The following LRRC4C variants were observed in gnomAD, a reference collection of about 807,000 sequenced individuals.
LRRC4C encodes the protein leucine-rich repeat-containing protein 4C.
Under a neutral mutation model 33.6 loss-of-function variants are expected in LRRC4C, and 5 were observed. The observed-to-expected ratio is 0.15, with a 90% confidence interval of 0.08 to 0.31. LRRC4C has a LOEUF of 0.31. Among genes scored for constraint, LRRC4C ranks in the 10% least tolerant of loss-of-function variants. The pLI is 1.00. For synonymous variants in LRRC4C, 329 were observed against 302.0 expected, an observed-to-expected ratio of 1.09 and a Z score of -0.93; for missense variants, 560 against 796.7, an observed-to-expected ratio of 0.70 and a Z score of 3.58.
At chr11:41,373,717 A>T (rs1386447361) in intron 1 of LRRC4C, among the ~76,000 whole-genome samples, 1 of 152,164 alleles carries the variant, frequency 6.6e-6, no homozygotes, top group Non-Finnish European at 1.5e-5. Flanking sequence ...AAGCTTTTTT[A>T]TAATTTGGGT....
intron 2 of LRRC4C, among the ~76,000 whole-genome samples, chr11:40,785,942 C>T (rs892173980): frequency 1.3e-5 from 2 of 152,112 alleles, no homozygotes; most frequent in East Asian, 1.9e-4. Context: ...GGAAATCCCA[C>T]TGAAAATCAG....
chr11:40,424,418 C>A (rs911189009), intron 3 of LRRC4C, among the ~76,000 whole-genome samples: 1 of 151,972 alleles, frequency 6.6e-6, no homozygotes, highest in African/African-American at 2.4e-5. Context: ...AAAGATAACC[C>A]ACCTCTATTT....
intron 2 of LRRC4C, among the ~76,000 whole-genome samples, chr11:40,801,389 A>G (rs1319967422): frequency 6.6e-6 from 1 of 152,150 alleles, no homozygotes; most frequent in Non-Finnish European, 1.5e-5. Context: ...TCTCTTTAGG[A>G]GGACCTACAT....
chr11:40,830,973 T>C (rs1952386707), intron 2 of LRRC4C, among the ~76,000 whole-genome samples: 1 of 152,140 alleles, frequency 6.6e-6, no homozygotes, highest in African/African-American at 2.4e-5. Context: ...CTTGTTGGAA[T>C]CAGTAATTCC....
intron 1 of LRRC4C, among the ~76,000 whole-genome samples, chr11:41,062,228 C>T (rs932633138): frequency 2.6e-5 from 4 of 152,132 alleles, no homozygotes; most frequent in East Asian, 1.9e-4. Flanking sequence ...GTTATTTTTC[C>T]TTATCTTCTT....
rs184984145 is a variant in LRRC4C, at chr11:40,549,254, T to C, written c.-270+98888A>G. On this transcript the variant is annotated intron_variant, in intron 3 of 6. Transcript: ENST00000528697. ...CAATCAGGCTAAGATACTGGTTAAC[T>C]GGTTAACTGGGCCTGAAACAACACT... 3.8e-3 allele frequency among the ~76,000 whole-genome samples: 582 copies of C among 152,256 alleles called. 6 individuals carry two copies. Among genetic ancestry groups the C allele is most frequent in the Non-Finnish European group, 4.3e-3 (293 of 68,006 alleles).
At chr11:40,421,187 A>G (rs1460528025) in intron 3 of LRRC4C, among the ~76,000 whole-genome samples, 1 of 152,244 alleles carries the variant, frequency 6.6e-6, no homozygotes, top group African/African-American at 2.4e-5. Context: ...TTTAACTATG[A>G]ATAAGACAGT....
chr11:40,537,547 A>T (rs1357513268), intron 3 of LRRC4C, among the ~76,000 whole-genome samples: 2 of 152,182 alleles, frequency 1.3e-5, no homozygotes, highest in African/African-American at 4.8e-5. Context: ...TGATAGAGGC[A>T]TTTTCACAAA....
intron 3 of LRRC4C, among the ~76,000 whole-genome samples, chr11:40,389,363 T>C (rs1440685967): frequency 2.6e-5 from 4 of 152,114 alleles, no homozygotes; most frequent in African/African-American, 9.7e-5. Flanking sequence ...TTGCTTCAGG[T>C]ACACGGCGTG....
intron 5 of LRRC4C, among the ~76,000 whole-genome samples, chr11:40,145,980 G>A (rs987933624): frequency 6.6e-6 from 1 of 152,136 alleles, no homozygotes; most frequent in African/African-American, 2.4e-5. Flanking sequence ...GCTGCTAGAA[G>A]TACCCTAGTT....
At chr11:40,120,752 T>C (rs1855765288) in intron 6 of LRRC4C, among the ~76,000 whole-genome samples, 1 of 152,168 alleles carries the variant, frequency 6.6e-6, no homozygotes, top group African/African-American at 2.4e-5. Context: ...AAGTTCTTAC[T>C]CTGCCGTTTG....
At chr11:41,149,326 T>C (rs1943878789) in intron 1 of LRRC4C, among the ~76,000 whole-genome samples, 1 of 151,322 alleles carries the variant, frequency 6.6e-6, no homozygotes, top group East Asian at 2.0e-4. Context: ...TAAAAAACGG[T>C]GAAACCCCGT....
chr11:40,633,724 T>G (rs1453689350), intron 3 of LRRC4C, among the ~76,000 whole-genome samples: 1 of 152,098 alleles, frequency 6.6e-6, no homozygotes, highest in Non-Finnish European at 1.5e-5. Context: ...TTACCTCAGC[T>G]ACAAAATGGG....
At chr11:40,149,662 G>T (rs557991056) in intron 5 of LRRC4C, among the ~76,000 whole-genome samples, 1 of 152,198 alleles carries the variant, frequency 6.6e-6, no homozygotes, top group Admixed American at 6.5e-5. Context: ...ACATTAAATT[G>T]ATGGTCTGGT....
intron 1 of LRRC4C, among the ~76,000 whole-genome samples, chr11:40,936,345 T>G (rs1235228360): frequency 1.4e-5 from 2 of 144,476 alleles, no homozygotes; most frequent in African/African-American, 5.1e-5. Flanking sequence ...TGTTTTTTTT[T>G]TTTTTTTTTT....
chr11:41,239,580 G>A (rs1169385954), intron 1 of LRRC4C, among the ~76,000 whole-genome samples: 1 of 152,028 alleles, frequency 6.6e-6, no homozygotes, highest in Non-Finnish European at 1.5e-5. Context: ...TCCCTCAAAT[G>A]TGACTGTCTT....
At chr11:41,097,601 G>A (rs1365514442) in intron 1 of LRRC4C, among the ~76,000 whole-genome samples, 1 of 152,056 alleles carries the variant, frequency 6.6e-6, no homozygotes, top group Non-Finnish European at 1.5e-5. Context: ...TGAAATATTT[G>A]AAATGAATTT....
intron 3 of LRRC4C, among the ~76,000 whole-genome samples, chr11:40,382,945 G>A (rs528542570): frequency 8.6e-5 from 13 of 151,808 alleles, no homozygotes; most frequent in South Asian, 2.1e-4. Context: ...CGCCTGCCTC[G>A]GCCTCCCAAA....
intron 3 of LRRC4C, among the ~76,000 whole-genome samples, chr11:40,332,746 G>A (rs1314854391): frequency 6.6e-6 from 1 of 152,102 alleles, no homozygotes; most frequent in Non-Finnish European, 1.5e-5. Context: ...TCATGGATTG[G>A]AGGATTCTGC....
Sources: allele counts gnomAD v4.1 joint callset (sites outside exome capture counted in the v4.1 genomes callset), GRCh38; gene constraint gnomAD v4.1.1; transcripts MANE v1.5; gene names NCBI Gene and HGNC (gene_info 2026-07-23, HGNC 2026-07-21).